The following PADI6 variants were observed in gnomAD, a reference collection of about 807,000 sequenced individuals.
PADI6 encodes the protein peptidyl arginine deiminase 6.
A neutral mutation model predicts 78.2 loss-of-function variants in PADI6; 66 were observed. The ratio of observed to expected loss-of-function variants is 0.84; its 90% CI spans 0.69 to 1.04. The LOEUF (loss-of-function observed/expected upper bound fraction) is 1.04. Among genes scored for constraint, PADI6 ranks in the 50% least tolerant of loss-of-function variants. The probability of loss-of-function intolerance (pLI) is 0.00; values close to 1 mark genes in which losing one functional copy is unlikely to be tolerated. For missense variants in PADI6, 854 were observed against 866.1 expected (o/e 0.99, Z 0.18); for synonymous variants, 397 against 346.9 (o/e 1.14, Z -1.60).
chr1:17,395,519 G>T (rs769453009), intron 12 of PADI6, 21 bp from the exon 13 acceptor site: 8 of 1,548,320 alleles, frequency 5.2e-6, no homozygotes, highest in South Asian at 1.2e-5. Context: ...GCTGGCTTCT[G>T]ACCCAAGTTC....
intron 6 of PADI6, among the ~76,000 whole-genome samples, chr1:17,382,817 G>C (rs2075085742): frequency 6.6e-6 from 1 of 152,150 alleles, no homozygotes; most frequent in Non-Finnish European, 1.5e-5. Context: ...TCAAGGTCTA[G>C]CTCTGTCACC....
In PADI6 at chr1:17,394,335, G is replaced by A; in HGVS notation, c.1218G>A (p.Glu406=). Residue 406 remains glutamate, a synonymous_variant, in exon 11 of 16, where the codon GAG becomes GAA. Coordinates refer to ENST00000619609, the MANE Select transcript of PADI6 (RefSeq NM_207421.4). ...PGIGYMIQDT[E]DHKVASMDSI... ...TTGGCTACATGATCCAGGACACTGAGGACCATAAAGTGGCCAGCATGGATT... is the reference window on the plus strand; with the variant it reads ...TTGGCTACATGATCCAGGACACTGAAGACCATAAAGTGGCCAGCATGGATT... The A allele has an allele frequency of 6.2e-7, 1 of 1,613,888 alleles. No homozygotes were observed. The highest frequency in any genetic ancestry group is 8.5e-7 in the Non-Finnish European group (1 of 1,179,862).
Position 17,395,667 on chromosome 1 carries a change from AG to A in PADI6, c.1618+7del, listed in dbSNP as rs1192007415. Reference sequence around the variant, plus strand: ...GCAGATCAGCTCCTGTCTAATGGTAAGGGAACTCCCTTTCCACAGAACAGAA... The same window carrying A: ...GCAGATCAGCTCCTGTCTAATGGTAAGGAACTCCCTTTCCACAGAACAGAA... On this transcript the variant is annotated splice_donor_5th_base_variant and intron_variant, in intron 13 of 15. Transcript: ENST00000619609. 6.2e-7 allele frequency: 1 copy of A among 1,609,978 alleles called. No individual in the cohort carries two copies. Among genetic ancestry groups the A allele is most frequent in the Non-Finnish European group, 8.5e-7 (1 of 1,177,592 alleles).
At position 17,388,294 on chromosome 1, in the gene PADI6, A is replaced by G. The variant is rs191158540; in HGVS notation, c.680-87A>G. On this transcript the variant is annotated intron_variant, in intron 6 of 15. Coordinates refer to ENST00000619609, the MANE Select transcript of PADI6 (RefSeq NM_207421.4). ...TGGAACTCACAGCCTTGCATCTGAT[A>G]TGAGGAATGAGCTGGTACCTTGACC... 443 of 1,250,190 alleles carry G rather than the reference A, an allele frequency of 3.5e-4. 4 individuals are homozygous for G. In the African/African-American group the frequency reaches 5.9e-3, roughly 17 times the overall value. 77.4% of individuals were successfully genotyped at this position (1,250,190 alleles called of 1,614,324 possible). A position where few individuals can be genotyped will look rare whatever the true frequency, so the allele number is the denominator to read the frequency against.
intron 15 of PADI6, 92 bp downstream of exon 15, chr1:17,398,939 A>C: frequency 7.5e-7 from 1 of 1,340,450 alleles, no homozygotes; most frequent in Non-Finnish European, 1.0e-6. Flanking sequence ...GATATGGTGG[A>C]CAGCAGATAA....
Position 17,379,410 on chromosome 1 carries a change from G to A in PADI6, c.368-510G>A, listed in dbSNP as rs150856643. ...ATTACAGGCGTGAGCCATCGCGCCC[G>A]GCCGCCCAGTTAATTTTTGTATCTT... is the stretch of plus-strand genomic sequence containing the variant. On this transcript the variant is annotated intron_variant, in intron 3 of 15. Coordinates refer to ENST00000619609, the MANE Select transcript of PADI6 (RefSeq NM_207421.4). Among the ~76,000 whole-genome samples, 486 of 144,040 alleles carry A rather than the reference G, an allele frequency of 3.4e-3. 3 individuals carry two copies. Among genetic ancestry groups the A allele is most frequent in the Admixed American group, 5.2e-3 (77 of 14,862 alleles). 94.5% of individuals were successfully genotyped at this position (144,040 alleles called of 152,430 possible).
At chr1:17,389,604 G>A (rs1384676986) in intron 8 of PADI6, among the ~76,000 whole-genome samples, 1 of 152,158 alleles carries the variant, frequency 6.6e-6, no homozygotes, top group African/African-American at 2.4e-5. Context: ...ACACGCACGG[G>A]GCCACGTCCG....
At position 17,397,133 on chromosome 1, in the gene PADI6, T is replaced by C. The variant is rs370010238; in HGVS notation, c.1681T>C (p.Tyr561His). 11 of 1,613,676 alleles carry C rather than the reference T, an allele frequency of 6.8e-6. No homozygotes were observed. Among genetic ancestry groups the C allele is most frequent in the Non-Finnish European group, 9.3e-6 (11 of 1,179,782 alleles). The stretch of plus-strand genomic sequence containing the variant: ...TGAAAGCCTGAAGAAGCAGAATGAA[T>C]ACGTGGAGGTAGGACCAGTGTGAAG... ...ADESLKKQNE[Y>H]VEKCIHLNRD... Residue 561 changes from tyrosine to histidine, a missense_variant, in exon 14 of 16, where the codon TAC (tyrosine) becomes CAC (histidine). By Grantham distance (83) the Tyr-to-His change is moderately conservative (BLOSUM62 2). Transcript: ENST00000619609.
intron 8 of PADI6, among the ~76,000 whole-genome samples, chr1:17,391,500 G>T (rs551206882): frequency 6.6e-6 from 1 of 152,184 alleles, no homozygotes; most frequent in African/African-American, 2.4e-5. Flanking sequence ...GATTACAGGC[G>T]TGCGCCACTG....
At chr1:17,372,392 C>T (rs370066223) in intron 1 of PADI6, 31 bp downstream of exon 1, 289 of 1,590,592 alleles carry the variant, frequency 1.8e-4, no homozygotes, top group Non-Finnish European at 2.4e-4. Context: ...CCAGAGGTGG[C>T]AGGCAGACAG....
At chr1:17,383,886 T>C (rs1222296886) in intron 6 of PADI6, among the ~76,000 whole-genome samples, 1 of 151,896 alleles carries the variant, frequency 6.6e-6, no homozygotes, top group African/African-American at 2.4e-5. Context: ...ACGGGGCTTA[T>C]GCCTATAATC....
Position 17,395,023 on chromosome 1 carries a change from G to A in PADI6, c.1410G>A (p.Glu470=). 6.2e-7 allele frequency: 1 copy of A among 1,613,908 alleles called. No individual in the cohort carries two copies. The highest frequency in any genetic ancestry group is 8.5e-7 in the Non-Finnish European group (1 of 1,179,928). ...CCCAGCAGGTCCAAGCGCCGGTGGAGCTCTACTCAGATTGGCTAATGACTG... is the reference window on the plus strand; with the variant it reads ...CCCAGCAGGTCCAAGCGCCGGTGGAACTCTACTCAGATTGGCTAATGACTG... ...LYAQQVQAPV[E]LYSDWLMTGH... Residue 470 remains glutamate (E), a synonymous_variant, in exon 12 of 16, where the codon GAG becomes GAA. Coordinates refer to ENST00000619609, the MANE Select transcript of PADI6 (RefSeq NM_207421.4).
chr1:17,383,483 T>C (rs540170065), intron 6 of PADI6, among the ~76,000 whole-genome samples: 1 of 152,330 alleles, frequency 6.6e-6, no homozygotes, highest in East Asian at 1.9e-4. Flanking sequence ...AGTCCGCCGG[T>C]TCATGTAGCT....
rs2075153720 is a variant in PADI6, at chr1:17,388,826, C to CTCCCTGTGTCTTCAT, written c.916_930dup (p.Val306_Cys310dup). 3 of 1,613,810 alleles carry CTCCCTGTGTCTTCAT rather than the reference C, an allele frequency of 1.9e-6. No homozygotes were observed. The highest frequency in any genetic ancestry group is 4.5e-5 in the East Asian group (2 of 44,874). On this transcript the variant is annotated inframe_insertion, in exon 8 of 16. Coordinates refer to ENST00000619609, the MANE Select transcript of PADI6 (RefSeq NM_207421.4). ...AAAGACACGGTGGTGTTCCGGGTGGCTCCCTGTGTCTTCATTCCCTGTACC... is the reference window on the plus strand; with the variant it reads ...AAAGACACGGTGGTGTTCCGGGTGGCTCCCTGTGTCTTCATTCCCTGTGTCTTCATTCCCTGTACC...
chr1:17,391,090 T>C (rs998810490), intron 8 of PADI6, among the ~76,000 whole-genome samples: 2 of 152,252 alleles, frequency 1.3e-5, no homozygotes, highest in Non-Finnish European at 2.9e-5. Flanking sequence ...CATTGCTGTA[T>C]TCTATTAGTA....
At chr1:17,387,469 C>G (rs544007845) in intron 6 of PADI6, among the ~76,000 whole-genome samples, 64 of 149,206 alleles carry the variant, frequency 4.3e-4, no homozygotes, top group East Asian at 1.4e-3. Context: ...GGGGGGGGGG[C>G]CAGGCGTGGT....
rs758776072 is a variant in PADI6, at chr1:17,380,005, AG to A, written c.435+23del. On this transcript the variant is annotated intron_variant, in intron 4 of 15. Transcript: ENST00000619609. ...AGGCTAAGGTGAGTCTGCCAGCAAA[AG>A]GGGGCAGGGAAGGGGCCCTATAAGC... 1.2e-6 allele frequency: 2 copies of A among 1,612,396 alleles called. No homozygotes were observed. The highest frequency in any genetic ancestry group is 1.7e-6 in the Non-Finnish European group (2 of 1,178,844).
At chr1:17,394,170 G>C in intron 10 of PADI6, 88 bp downstream of exon 10, 1 of 1,537,974 alleles carries the variant, frequency 6.5e-7, no homozygotes, top group Non-Finnish European at 8.9e-7. Context: ...CAAGTGGGGA[G>C]AGGGCCCAGG....
intron 6 of PADI6, among the ~76,000 whole-genome samples, 196 bp from the exon 7 acceptor site, chr1:17,388,183 ATT>A (rs1205925010): frequency 6.6e-6 from 1 of 152,224 alleles, no homozygotes; most frequent in East Asian, 1.9e-4. Context: ...ATAACTGGCC[ATT>A]GCTTGTGTAT....
Sources: gnomAD v4.1 joint callset for allele counts (sites outside exome capture counted in the v4.1 genomes callset) on GRCh38, gnomAD v4.1.1 for gene constraint, MANE v1.5 for transcripts, NCBI Gene and HGNC (gene_info 2026-07-23, HGNC 2026-07-21) for gene names.